The following CADPS2 variants were observed in gnomAD, a reference collection of about 807,000 sequenced individuals.
CADPS2 encodes the protein calcium-dependent secretion activator 2.
Under a neutral mutation model 172.5 loss-of-function variants are expected in CADPS2, and 93 were observed. That is an observed-to-expected ratio of 0.54 (90% CI 0.46 to 0.64). The LOEUF (loss-of-function observed/expected upper bound fraction) is 0.64. Ranked by LOEUF, CADPS2 falls within the 30% of genes least tolerant of loss-of-function variation. The probability of loss-of-function intolerance (pLI) is 0.00; values close to 1 mark genes in which losing one functional copy is unlikely to be tolerated. For missense variants in CADPS2, 1,420 were observed against 1,565.9 expected, an observed-to-expected ratio of 0.91 and a Z score of 1.57; for synonymous variants, 546 against 555.2, an observed-to-expected ratio of 0.98 and a Z score of 0.23.
chr7:122,738,251 G>C (rs1252531299), intron 1 of CADPS2, among the ~76,000 whole-genome samples: 1 of 152,134 alleles, frequency 6.6e-6, no homozygotes, highest in Non-Finnish European at 1.5e-5. Context: ...GAGCTTCTTA[G>C]TAAAAATATT....
chr7:122,829,966 T>C (rs979162036), intron 1 of CADPS2, among the ~76,000 whole-genome samples: 1 of 151,698 alleles, frequency 6.6e-6, no homozygotes, highest in Non-Finnish European at 1.5e-5. Context: ...TATTTATGTA[T>C]AAAATGAGGT....
At chr7:122,704,739 T>C (rs2086715958) in intron 2 of CADPS2, among the ~76,000 whole-genome samples, 1 of 152,170 alleles carries the variant, frequency 6.6e-6, no homozygotes, top group South Asian at 2.1e-4. Flanking sequence ...AAAATAGACC[T>C]ATAAGAAACA....
chr7:122,659,772 C>T (rs187084077), intron 3 of CADPS2, among the ~76,000 whole-genome samples: 7 of 152,120 alleles, frequency 4.6e-5, no homozygotes, highest in Admixed American at 6.5e-5. Context: ...GAAAATAACA[C>T]CTTACCTCTA....
chr7:122,585,741 A>G (rs928485449), intron 6 of CADPS2: 2 of 152,040 alleles, frequency 1.3e-5, no homozygotes, highest in Non-Finnish European at 2.9e-5. Context: ...TCGAATGAAT[A>G]AAAATCTACA....
chr7:122,795,335 T>C (rs1796142282), intron 1 of CADPS2, among the ~76,000 whole-genome samples: 1 of 152,068 alleles, frequency 6.6e-6, no homozygotes, highest in Admixed American at 6.6e-5. Context: ...AACACTTCCG[T>C]GCACATAAAC....
At position 122,377,886 on chromosome 7, in the gene CADPS2, G is replaced by A. The variant is rs1272582028; in HGVS notation, c.3387+1482C>T. Among the ~76,000 whole-genome samples, 3 of 152,064 alleles carry A rather than the reference G, an allele frequency of 2.0e-5. No individual in the cohort carries two copies. In the East Asian group the frequency reaches 5.8e-4, roughly 30 times the overall value. On this transcript the variant is annotated intron_variant, in intron 25 of 29. Transcript: ENST00000449022. ...GATTCTAACATCGTTTTTCTTTGTG[G>A]TTGTTTTCCACTCTAAGACATGCCA... is the stretch of plus-strand genomic sequence containing the variant.
chr7:122,654,028 G>C (rs1382218607), intron 3 of CADPS2, among the ~76,000 whole-genome samples: 4 of 152,150 alleles, frequency 2.6e-5, no homozygotes, highest in African/African-American at 9.7e-5. Flanking sequence ...AGCTAGAAAG[G>C]ATTAAGCTTA....
chr7:122,540,455 T>TTAAGAAAGG (rs2062798003), intron 8 of CADPS2, among the ~76,000 whole-genome samples: 1 of 152,128 alleles, frequency 6.6e-6, no homozygotes, highest in Non-Finnish European at 1.5e-5. Flanking sequence ...CATAGATCAT[T>TTAAGAAAGG]TTAACAAAGT....
rs550327881 is a variant in CADPS2 at position 122,793,307 on chromosome 7, C to T, written c.340-56239G>A. On this transcript the variant is annotated intron_variant, in intron 1 of 29. Coordinates refer to ENST00000449022, the MANE Select transcript of CADPS2 (RefSeq NM_017954.11). ...AGAACTTGCTTTATGAATCTGGGTG[C>T]TTCCATGCTGGGTGCATATACATTT... Among the ~76,000 whole-genome samples, 406 of 152,288 alleles carry T rather than the reference C, an allele frequency of 2.7e-3. 5 individuals carry two copies. The highest frequency in any genetic ancestry group is 9.6e-3 in the African/African-American group (399 of 41,564).
intron 2 of CADPS2, among the ~76,000 whole-genome samples, chr7:122,724,261 A>G (rs1318344996): frequency 6.6e-6 from 1 of 152,008 alleles, no homozygotes; most frequent in Non-Finnish European, 1.5e-5. Flanking sequence ...GAAGTCAGGG[A>G]CCTTGCCTTG....
rs979780773 is a variant in CADPS2 at position 122,501,939 on chromosome 7, G to C, written c.1543-10519C>G. Among the ~76,000 whole-genome samples the C allele has an allele frequency of 4.7e-5, 7 of 147,522 alleles. No individual in the cohort carries two copies. In the South Asian group the frequency reaches 1.1e-3, roughly 23 times the overall value. On this transcript the variant is annotated intron_variant, in intron 9 of 29. Coordinates refer to ENST00000449022, the MANE Select transcript of CADPS2 (RefSeq NM_017954.11). ...CCTTGAGTCTAGAACACAACTCTCT[G>C]TAGTTCAATGGATATTCTTTCCAAT...
chr7:122,539,153 T>C (rs1355567095), intron 8 of CADPS2, among the ~76,000 whole-genome samples: 1 of 152,102 alleles, frequency 6.6e-6, no homozygotes, highest in African/African-American at 2.4e-5. Flanking sequence ...GTCAGACACT[T>C]AAAACCTAAT....
intron 17 of CADPS2, chr7:122,422,158 T>G (rs1057134766): frequency 2.0e-5 from 3 of 152,200 alleles, no homozygotes; most frequent in Non-Finnish European, 4.4e-5. Flanking sequence ...AAATATCTAC[T>G]ATCTAGTGAA....
intron 29 of CADPS2, among the ~76,000 whole-genome samples, chr7:122,324,550 C>T (rs2033409006): frequency 6.6e-6 from 1 of 151,928 alleles, no homozygotes; most frequent in African/African-American, 2.4e-5. Flanking sequence ...TAACAAGTTC[C>T]CAGGTGATGA....
intron 2 of CADPS2, chr7:122,698,648 T>C (rs777566705): frequency 1.2e-6 from 2 of 1,614,048 alleles, no homozygotes; most frequent in South Asian, 2.2e-5. Context: ...CGGCTGAAAA[T>C]GGTATTGGGA....
At chr7:122,386,885 T>G in intron 24 of CADPS2, 141 bp downstream of exon 24, 1 of 787,378 alleles carries the variant, frequency 1.3e-6, no homozygotes, top group Admixed American at 3.2e-5. Flanking sequence ...AAGGGCATTC[T>G]GTTATTATAG....
At chr7:122,746,183 A>G (rs1245761214) in intron 1 of CADPS2, among the ~76,000 whole-genome samples, 2 of 152,214 alleles carry the variant, frequency 1.3e-5, no homozygotes, top group Non-Finnish European at 2.9e-5. Context: ...CAGAAGCCAC[A>G]AACAAAAACA....
intron 2 of CADPS2, among the ~76,000 whole-genome samples, chr7:122,725,639 C>CA (rs2091007525): frequency 1.4e-5 from 2 of 146,394 alleles, no homozygotes; most frequent in African/African-American, 5.0e-5. Context: ...ACTAAAAAGT[C>CA]AAAAAATGGC....
rs1586520178 is a variant in CADPS2 at position 122,484,116 on chromosome 7, T to G, written c.1853-3256A>C. On this transcript the variant is annotated intron_variant, in intron 11 of 29. Coordinates refer to ENST00000449022, the MANE Select transcript of CADPS2 (RefSeq NM_017954.11). ...GTCAAGATGTTTTAAAAATTTACATTGTACCCCATATATATAAACAATTAT... is the reference window on the plus strand; with the variant it reads ...GTCAAGATGTTTTAAAAATTTACATGGTACCCCATATATATAAACAATTAT... Among the ~76,000 whole-genome samples, 8 of 152,284 alleles carry G rather than the reference T, an allele frequency of 5.3e-5. 1 individual carries two copies. Among genetic ancestry groups the G allele is most frequent in the Admixed American group, 5.2e-4 (8 of 15,296 alleles).
Sources: allele counts gnomAD v4.1 joint callset (sites outside exome capture counted in the v4.1 genomes callset), GRCh38; gene constraint gnomAD v4.1.1; transcripts MANE v1.5; gene names NCBI Gene and HGNC (gene_info 2026-07-23, HGNC 2026-07-21).